The following CHRM3 variants were observed in gnomAD, a reference collection of about 807,000 sequenced individuals.
CHRM3 encodes cholinergic receptor muscarinic 3.
A neutral mutation model predicts 41.8 loss-of-function variants in CHRM3; 11 were observed. That is an observed-to-expected ratio of 0.26 (90% CI 0.17 to 0.44). The LOEUF is 0.44. CHRM3 is among the 20% of genes least tolerant of loss of function. The pLI, the probability that CHRM3 is intolerant of heterozygous loss-of-function variation, is 1.00. For synonymous variants in CHRM3, 297 were observed against 301.4 expected, an observed-to-expected ratio of 0.99 and a Z score of 0.15; for missense variants, 571 against 745.4, an observed-to-expected ratio of 0.77 and a Z score of 2.72.
At chr1:239,814,248 T>G (rs1238554298) in intron 5 of CHRM3, among the ~76,000 whole-genome samples, 4 of 152,180 alleles carry the variant, frequency 2.6e-5, no homozygotes, top group African/African-American at 9.7e-5. Context: ...TTTAAATTCA[T>G]GCGCATTACC....
chr1:239,402,783 A>G (rs1188946530), intron 1 of CHRM3, among the ~76,000 whole-genome samples: 1 of 152,226 alleles, frequency 6.6e-6, no homozygotes, highest in African/African-American at 2.4e-5. Context: ...TGTATAAAAC[A>G]GCACAGTATT....
chr1:239,551,712 T>C (rs1572686854), intron 3 of CHRM3, among the ~76,000 whole-genome samples: 1 of 152,170 alleles, frequency 6.6e-6, no homozygotes, highest in East Asian at 1.9e-4. Flanking sequence ...ACGCCCATCT[T>C]TGTTGCTTGC....
At chr1:239,691,862 T>TC (rs1295861584) in intron 5 of CHRM3, among the ~76,000 whole-genome samples, 1 of 152,056 alleles carries the variant, frequency 6.6e-6, no homozygotes, top group African/African-American at 2.4e-5. Context: ...CATTTGAGAA[T>TC]CCCCCCTAAA....
At chr1:239,466,845 A>G (rs1209537494) in intron 1 of CHRM3, among the ~76,000 whole-genome samples, 1 of 152,168 alleles carries the variant, frequency 6.6e-6, no homozygotes, top group Non-Finnish European at 1.5e-5. Flanking sequence ...TTATGGTACT[A>G]TCAGTATTAC....
chr1:239,558,657 G>C (rs1019004590), intron 3 of CHRM3, among the ~76,000 whole-genome samples: 1 of 152,138 alleles, frequency 6.6e-6, no homozygotes, highest in South Asian at 2.1e-4. Flanking sequence ...ACAGTCAAAC[G>C]TTCTAAGCTC....
chr1:239,474,795 AAACT>A (rs1281064122), intron 1 of CHRM3, among the ~76,000 whole-genome samples: 6 of 152,218 alleles, frequency 3.9e-5, no homozygotes, highest in South Asian at 4.1e-4. Context: ...TAAAACAAAC[AAACT>A]AACTACCCTT....
At position 239,881,426 on chromosome 1, in the gene CHRM3, A is replaced by G. The variant is rs574649982; in HGVS notation, c.-19-26007A>G. ...GGGAAAGGAAAAAAAAATGAAATAAATTGGGAAAGAAGAAAACAAAATGGC... is the reference window on the plus strand; with the variant it reads ...GGGAAAGGAAAAAAAAATGAAATAAGTTGGGAAAGAAGAAAACAAAATGGC... On this transcript the variant is annotated intron_variant, in intron 6 of 6. Coordinates refer to ENST00000676153, the MANE Select transcript of CHRM3 (RefSeq NM_001375978.1). Among the ~76,000 whole-genome samples the G allele has an allele frequency of 5.3e-5, 8 of 152,236 alleles. No homozygotes were observed. In the East Asian group the frequency reaches 1.5e-3, roughly 29 times the overall value.
intron 1 of CHRM3, among the ~76,000 whole-genome samples, chr1:239,473,226 T>A (rs1572418254): frequency 1.0e-5 from 1 of 100,412 alleles, no homozygotes; most frequent in African/African-American, 3.9e-5. Flanking sequence ...AAGAAGAAAA[T>A]ACTGATCCAT....
In CHRM3 at chr1:239,915,057, C is replaced by T. The variant is rs577980667; in HGVS notation, c.*5833C>T. 2 of 167,152 alleles carry T rather than the reference C, an allele frequency of 1.2e-5. No individual in the cohort carries two copies. Among genetic ancestry groups the T allele is most frequent in the Admixed American group, 6.5e-5 (1 of 15,306 alleles). The allele number at this position is 167,152 out of a possible 1,614,324, so 10.4% of individuals were successfully genotyped here. A position where few individuals can be genotyped will look rare whatever the true frequency, so the allele number is the denominator to read the frequency against. ...ATAATTACATAAAAATGGGCTTCCA[C>T]GATGGTGAATCAGCATGCTGATTTC... On this transcript the variant is annotated 3_prime_UTR_variant, in exon 7 of 7. Coordinates refer to ENST00000676153, the MANE Select transcript of CHRM3 (RefSeq NM_001375978.1).
chr1:239,387,621 C>G lies in CHRM3; in HGVS notation c.-521+394C>G, dbSNP rs116111373. On this transcript the variant is annotated intron_variant, in intron 1 of 6. Coordinates refer to ENST00000676153, the MANE Select transcript of CHRM3 (RefSeq NM_001375978.1). The surrounding 1 kb of genome is among the most constrained non-coding windows in gnomAD (Gnocchi z 5.1). ...GCCGGATCTGAGGCTCCAAAGTGCCCGAGCATGAGGAGCTACTGGGCTCCG... is the reference window on the plus strand; with the variant it reads ...GCCGGATCTGAGGCTCCAAAGTGCCGGAGCATGAGGAGCTACTGGGCTCCG... 1.3e-4 allele frequency among the ~76,000 whole-genome samples: 20 copies of G among 152,198 alleles called. No individual in the cohort carries two copies. The highest frequency in any genetic ancestry group is 4.1e-4 in the African/African-American group (17 of 41,544).
chr1:239,855,231 C>T (rs1331760351), intron 6 of CHRM3, among the ~76,000 whole-genome samples: 1 of 152,086 alleles, frequency 6.6e-6, no homozygotes, highest in Non-Finnish European at 1.5e-5. Context: ...TCAGGATAAT[C>T]ACAAAGTCAT....
At chr1:239,601,144 G>C (rs1203913881) in intron 3 of CHRM3, among the ~76,000 whole-genome samples, 1 of 152,148 alleles carries the variant, frequency 6.6e-6, no homozygotes, top group Non-Finnish European at 1.5e-5. Context: ...ATTATCCTAA[G>C]GGAGTAAATC....
intron 5 of CHRM3, among the ~76,000 whole-genome samples, chr1:239,698,122 T>C (rs1660363788): frequency 6.6e-6 from 1 of 152,188 alleles, no homozygotes; most frequent in Non-Finnish European, 1.5e-5. Context: ...GCCAAGTTTG[T>C]TAAATTCGTT....
intron 4 of CHRM3, among the ~76,000 whole-genome samples, chr1:239,654,966 A>T (rs998796472): frequency 6.6e-6 from 1 of 152,256 alleles, no homozygotes; most frequent in East Asian, 1.9e-4. Context: ...CCACAATATT[A>T]TAAGAAAATA....
At chr1:239,406,385 C>T (rs1204080171) in intron 1 of CHRM3, among the ~76,000 whole-genome samples, 29 of 152,138 alleles carry the variant, frequency 1.9e-4, no homozygotes, top group Non-Finnish European at 1.5e-5. Flanking sequence ...CCAGTGATGA[C>T]AGAAGAAACA....
At chr1:239,553,427 C>G (rs1660057432) in intron 3 of CHRM3, among the ~76,000 whole-genome samples, 1 of 151,946 alleles carries the variant, frequency 6.6e-6, no homozygotes, top group African/African-American at 2.4e-5. Context: ...GACACATTCT[C>G]AGTTAGGATA....
intron 5 of CHRM3, among the ~76,000 whole-genome samples, chr1:239,801,844 C>CT (rs1670244187): frequency 6.6e-6 from 1 of 152,068 alleles, no homozygotes; most frequent in African/African-American, 2.4e-5. Flanking sequence ...TTTCTAGAAG[C>CT]TTTTGTAGCA....
intron 6 of CHRM3, among the ~76,000 whole-genome samples, chr1:239,851,067 G>A (rs1028503525): frequency 4.6e-5 from 7 of 152,124 alleles, no homozygotes; most frequent in Admixed American, 6.6e-5. Flanking sequence ...GAAAATCAGA[G>A]CTAACCTAGC....
At chr1:239,552,354 T>C (rs903391949) in intron 3 of CHRM3, among the ~76,000 whole-genome samples, 2 of 148,068 alleles carry the variant, frequency 1.4e-5, no homozygotes, top group Non-Finnish European at 3.0e-5. Flanking sequence ...ATTTTATATA[T>C]GTATAGATGA....
Sources: gnomAD v4.1 joint callset for allele counts (sites outside exome capture counted in the v4.1 genomes callset) on GRCh38, gnomAD v4.1.1 for gene constraint, Gnocchi (gnomAD v3.1) non-coding constraint, MANE v1.5 for transcripts, NCBI Gene and HGNC (gene_info 2026-07-23, HGNC 2026-07-21) for gene names.